Variants in PIP4K2A observed in about 807,000 individuals in gnomAD.
The protein encoded by PIP4K2A is phosphatidylinositol-5-phosphate 4-kinase type 2 alpha, also known as phosphatidylinositol 5-phosphate 4-kinase type-2 alpha.
A neutral mutation model predicts 42.9 loss-of-function variants in PIP4K2A; 14 were observed. The observed-to-expected ratio is 0.33, with a 90% confidence interval of 0.22 to 0.51. The LOEUF is 0.51. Among genes scored for constraint, PIP4K2A ranks in the 20% least tolerant of loss-of-function variants. The pLI is 0.97. For missense variants in PIP4K2A, 434 were observed against 519.8 expected, an observed-to-expected ratio of 0.83 and a Z score of 1.61; for synonymous variants, 192 against 192.2, an observed-to-expected ratio of 1.00 and a Z score of 0.01.
At chr10:22,541,504 C>T (rs112456350) in intron 8 of PIP4K2A, among the ~76,000 whole-genome samples, 2,484 of 152,282 alleles carry the variant, frequency 0.016, 27 homozygotes, top group Non-Finnish European at 0.027. Context: ...TGTGCACGTA[C>T]GTTGTATGCC....
At chr10:22,694,020 C>T (rs544861906) in intron 1 of PIP4K2A, 6 of 152,230 alleles carry the variant, frequency 3.9e-5, no homozygotes, top group African/African-American at 1.4e-4. Flanking sequence ...GGATGCAGAG[C>T]CCATGGATAC....
At chr10:22,664,168 C>CACAT (rs1554807304) in intron 1 of PIP4K2A, among the ~76,000 whole-genome samples, 6 of 30,200 alleles carry the variant, frequency 2.0e-4, no homozygotes, top group Non-Finnish European at 2.8e-4. Flanking sequence ...TATATATATA[C>CACAT]ATATATATAT....
At chr10:22,624,683 G>A (rs112766051) in intron 1 of PIP4K2A, among the ~76,000 whole-genome samples, 88 of 151,958 alleles carry the variant, frequency 5.8e-4, no homozygotes, top group Middle Eastern at 6.8e-3. Context: ...TACCTAGCAG[G>A]GGGAAAAAAA....
chr10:22,686,633 TA>T (rs869121030), intron 1 of PIP4K2A, among the ~76,000 whole-genome samples: 1 of 152,082 alleles, frequency 6.6e-6, no homozygotes, highest in African/African-American at 2.4e-5. Context: ...ACTAATTAGT[TA>T]AAAAAATTTT....
At chr10:22,669,272 C>G (rs756341594) in intron 1 of PIP4K2A, among the ~76,000 whole-genome samples, 11 of 152,030 alleles carry the variant, frequency 7.2e-5, no homozygotes, top group South Asian at 4.2e-4. Flanking sequence ...AGCCGCATAA[C>G]GACACTGCAG....
intron 4 of PIP4K2A, among the ~76,000 whole-genome samples, chr10:22,576,361 G>C (rs1837122054): frequency 6.6e-6 from 1 of 152,156 alleles, no homozygotes; most frequent in South Asian, 2.1e-4. Flanking sequence ...TGAGAATCCT[G>C]GTGGATTCTC....
intron 1 of PIP4K2A, among the ~76,000 whole-genome samples, chr10:22,699,406 C>A (rs1833668774): frequency 6.6e-6 from 1 of 151,876 alleles, no homozygotes; most frequent in African/African-American, 2.4e-5. Context: ...GTTCCTGTTC[C>A]TGGGCACAGA....
chr10:22,589,597 A>C (rs1008687987), intron 4 of PIP4K2A, among the ~76,000 whole-genome samples: 1 of 152,248 alleles, frequency 6.6e-6, no homozygotes, highest in Admixed American at 6.5e-5. Context: ...AATGCAATTG[A>C]TCATATTTGC....
intron 6 of PIP4K2A, among the ~76,000 whole-genome samples, chr10:22,552,066 A>C (rs537357299): frequency 2.6e-5 from 4 of 152,346 alleles, no homozygotes; most frequent in African/African-American, 4.8e-5. Flanking sequence ...ATATAACCAC[A>C]ATCTTTATAA....
At chr10:22,633,928 G>T (rs183487079) in intron 1 of PIP4K2A, among the ~76,000 whole-genome samples, 1 of 152,180 alleles carries the variant, frequency 6.6e-6, no homozygotes. Context: ...GAGGAAAAAC[G>T]GAGTCCACAA....
intron 1 of PIP4K2A, among the ~76,000 whole-genome samples, chr10:22,683,676 T>C (rs1839706195): frequency 6.6e-6 from 1 of 152,170 alleles, no homozygotes; most frequent in Admixed American, 6.6e-5. Flanking sequence ...TAAAGAAGTC[T>C]GTTGAGCACG....
chr10:22,548,301 G>T (rs1026210684), intron 7 of PIP4K2A, among the ~76,000 whole-genome samples: 1 of 152,182 alleles, frequency 6.6e-6, no homozygotes, highest in African/African-American at 2.4e-5. Flanking sequence ...CCATGTATGG[G>T]ATTAGACTAT....
chr10:22,627,591 T>TTAAAAAAAAA (rs1838469308), intron 1 of PIP4K2A, among the ~76,000 whole-genome samples: 2 of 56,994 alleles, frequency 3.5e-5, no homozygotes, highest in African/African-American at 6.5e-5. Flanking sequence ...TAATATGTAA[T>TTAAAAAAAAA]AAAAAAAAAA....
rs962473800 is a variant in PIP4K2A, at chr10:22,593,618, G to A, written c.340-1837C>T. 4.6e-5 allele frequency among the ~76,000 whole-genome samples: 7 copies of A among 152,336 alleles called. No homozygotes were observed. In the South Asian group the frequency reaches 6.2e-4, roughly 14 times the overall value. The stretch of plus-strand genomic sequence containing the variant: ...TCCCCTTGTGGGGTTTTAAATGCTA[G>A]CCCCCAAAAAGCAATTATTGCTCTT... On this transcript the variant is annotated intron_variant, in intron 3 of 9. Transcript: ENST00000376573.
At chr10:22,653,613 A>G (rs887897639) in intron 1 of PIP4K2A, among the ~76,000 whole-genome samples, 6 of 152,156 alleles carry the variant, frequency 3.9e-5, no homozygotes, top group Non-Finnish European at 4.4e-5. Flanking sequence ...CTACGCACCT[A>G]AAGTTAGTGG....
At chr10:22,661,999 C>A (rs1311442105) in intron 1 of PIP4K2A, 2 of 152,150 alleles carry the variant, frequency 1.3e-5, no homozygotes, top group Non-Finnish European at 2.9e-5. Context: ...TGGATCTTAA[C>A]AGTCAAAACA....
intron 1 of PIP4K2A, among the ~76,000 whole-genome samples, chr10:22,637,265 C>T (rs187009228): frequency 2.5e-4 from 38 of 152,214 alleles, no homozygotes; most frequent in Non-Finnish European, 3.1e-4. Context: ...CTTTTCAAAC[C>T]GTTATATCCT....
At chr10:22,685,893 T>G (rs1839754951) in intron 1 of PIP4K2A, among the ~76,000 whole-genome samples, 1 of 152,150 alleles carries the variant, frequency 6.6e-6, no homozygotes, top group South Asian at 2.1e-4. Flanking sequence ...CAATACTCAG[T>G]TACCTATTTT....
chr10:22,630,665 T>C (rs772901701), intron 1 of PIP4K2A, among the ~76,000 whole-genome samples: 3 of 152,184 alleles, frequency 2.0e-5, no homozygotes, highest in Non-Finnish European at 4.4e-5. Context: ...AATATATGAT[T>C]ATCAGCAAAA....
Sources: gnomAD v4.1 joint callset for allele counts (sites outside exome capture counted in the v4.1 genomes callset) on GRCh38, gnomAD v4.1.1 for gene constraint, MANE v1.5 for transcripts, NCBI Gene and HGNC (gene_info 2026-07-23, HGNC 2026-07-21) for gene names.